AGAP1: variants seen among roughly 807,000 people sequenced by gnomAD.
AGAP1 encodes arf-GAP with GTPase, ANK repeat and PH domain-containing protein 1.
AGAP1 carries 29 observed loss-of-function variants against 105.3 expected under a neutral mutation model. That is an observed-to-expected ratio of 0.28 (90% CI 0.21 to 0.38). AGAP1 has a LOEUF of 0.38. AGAP1 is among the 10% of genes least tolerant of loss of function. The pLI is 1.00. For missense variants in AGAP1, 998 were observed against 1,165.1 expected (o/e 0.86, Z 2.09); for synonymous variants, 509 against 485.9 (o/e 1.05, Z -0.63).
chr2:235,573,040 TTC>T (rs1333408252), intron 1 of AGAP1, among the ~76,000 whole-genome samples: 977 of 28,824 alleles, frequency 0.034, 145 homozygotes, highest in African/African-American at 0.14. Context: ...CTTCTTCTTC[TTC>T]TTCTTCTTCT....
rs2051058894 is a variant in AGAP1 at position 235,901,423 on chromosome 2, A to G, written c.1156-7315A>G. 6.6e-6 allele frequency among the ~76,000 whole-genome samples: 1 copy of G among 152,208 alleles called. No homozygotes were observed. The highest frequency in any genetic ancestry group is 2.4e-5 in the African/African-American group (1 of 41,456). On this transcript the variant is annotated intron_variant, in intron 10 of 17. Coordinates refer to ENST00000304032, the MANE Select transcript of AGAP1 (RefSeq NM_001037131.3). This position sits in a 1 kb window ranked among gnomAD's most constrained non-coding sequence, Gnocchi z 4.3. ...TTCTTTTCCTCCAGGAGAAGGAGGA[A>G]CAAACAAATGTGAAAACATTTACAA... is the stretch of plus-strand genomic sequence containing the variant.
Position 235,867,679 on chromosome 2 carries a change from C to G in AGAP1, c.1051-15666C>G, listed in dbSNP as rs1053739757. Among the ~76,000 whole-genome samples the G allele has an allele frequency of 6.6e-6, 1 of 152,028 alleles. No homozygotes were observed. Among genetic ancestry groups the G allele is most frequent in the African/African-American group, 2.4e-5 (1 of 41,390 alleles). On this transcript the variant is annotated intron_variant, in intron 9 of 17. Coordinates refer to ENST00000304032, the MANE Select transcript of AGAP1 (RefSeq NM_001037131.3). The surrounding 1 kb of genome is among the most constrained non-coding windows in gnomAD (Gnocchi z 5.4). ...GCTAAGTGTTATCTGCAGGGTATAG[C>G]TTAGCATAATGAGAGGGCAAAAGCA...
Position 235,888,276 on chromosome 2 carries a change from A to G in AGAP1, c.1155+4827A>G, listed in dbSNP as rs1330093661. ...GGATCAAACCGAGAAGGTGGAATCGAGGGTCTTTACCACCCTTGTCTTTCT... is the reference window on the plus strand; with the variant it reads ...GGATCAAACCGAGAAGGTGGAATCGGGGGTCTTTACCACCCTTGTCTTTCT... On this transcript the variant is annotated intron_variant, in intron 10 of 17. Coordinates refer to ENST00000304032, the MANE Select transcript of AGAP1 (RefSeq NM_001037131.3). This position sits in a 1 kb window ranked among gnomAD's most constrained non-coding sequence, Gnocchi z 4.8. Among the ~76,000 whole-genome samples the G allele has an allele frequency of 6.6e-6, 1 of 152,000 alleles. No homozygotes were observed. Among genetic ancestry groups the G allele is most frequent in the Non-Finnish European group, 1.5e-5 (1 of 68,010 alleles).
At position 236,036,805 on chromosome 2, in the gene AGAP1, G is replaced by A. The variant is rs2057397156; in HGVS notation, c.1800+90G>A. 4 of 1,542,794 alleles carry A rather than the reference G, an allele frequency of 2.6e-6. No individual in the cohort carries two copies. The East Asian group carries it at 9.0e-5, about 35-fold the overall frequency. ...ATGCCCCAGGGAGGAGAAAATAGAGGACCAGTGTGAATGACAGGACCTAGC... is the reference window on the plus strand; with the variant it reads ...ATGCCCCAGGGAGGAGAAAATAGAGAACCAGTGTGAATGACAGGACCTAGC... On this transcript the variant is annotated intron_variant, in intron 14 of 17. Transcript: ENST00000304032. The surrounding 1 kb of genome is among the most constrained non-coding windows in gnomAD (Gnocchi z 5.7).
In AGAP1 at chr2:235,584,902, C is replaced by CTTTT. The variant is rs10629736; in HGVS notation, c.163+90073_163+90076dup. 7.1e-3 allele frequency among the ~76,000 whole-genome samples: 697 copies of CTTTT among 98,480 alleles called. 13 individuals carry two copies. The highest frequency in any genetic ancestry group is 0.042 in the East Asian group (130 of 3,074). 64.6% of individuals were successfully genotyped at this position (98,480 alleles called of 152,430 possible). ...TCGTGTATCGTGGCTAAGTCATTAC[C>CTTTT]TTTTTTTTTTTTTTTTTTTTTTTAA... On this transcript the variant is annotated intron_variant, in intron 1 of 17. Coordinates refer to ENST00000304032, the MANE Select transcript of AGAP1 (RefSeq NM_001037131.3).
chr2:235,797,568 G>T (rs539522184), intron 6 of AGAP1, among the ~76,000 whole-genome samples, 191 bp from the exon 7 acceptor site: 4 of 151,992 alleles, frequency 2.6e-5, no homozygotes, highest in African/African-American at 9.7e-5. Context: ...ATGCGGGGGT[G>T]GGGGGACGGG....
intron 1 of AGAP1, among the ~76,000 whole-genome samples, chr2:235,694,718 T>C (rs559633949): frequency 1.3e-5 from 2 of 152,220 alleles, no homozygotes; most frequent in African/African-American, 4.8e-5. Context: ...CTCGTCTTGC[T>C]CAGGCATCTC....
chr2:235,852,858 G>A lies in AGAP1; in HGVS notation c.1051-30487G>A, dbSNP rs537204026. ...TCCGGGGCCATGATGAATTAGCGGTGGGAGTTAACATAGAGGTGAACTCCA... is the reference window on the plus strand; with the variant it reads ...TCCGGGGCCATGATGAATTAGCGGTAGGAGTTAACATAGAGGTGAACTCCA... On this transcript the variant is annotated intron_variant, in intron 9 of 17. Transcript: ENST00000304032. 118 of 1,446,504 alleles carry A rather than the reference G, an allele frequency of 8.2e-5. 1 individual carries two copies. In the African/African-American group the frequency reaches 1.3e-3, roughly 15 times the overall value. The allele number at this position is 1,446,504 out of a possible 1,614,324, so 89.6% of individuals were successfully genotyped here.
At chr2:236,085,194 C>T (rs1167326599) in intron 16 of AGAP1, among the ~76,000 whole-genome samples, 24 of 125,448 alleles carry the variant, frequency 1.9e-4, no homozygotes, top group South Asian at 2.4e-4. Context: ...CCAGCCTGGG[C>T]GACAGAACGA....
rs1434864876 is a variant in AGAP1 at position 235,664,766 on chromosome 2, C to T, written c.164-44413C>T. On this transcript the variant is annotated intron_variant, in intron 1 of 17. Transcript: ENST00000304032. The surrounding 1 kb of genome is among the most constrained non-coding windows in gnomAD (Gnocchi z 5.7). The stretch of plus-strand genomic sequence containing the variant: ...GCCTGAATCTCCCGTGTTCCTCATG[C>T]ATGGGTAGAACTAAAGCCTCTTCTT... 1.3e-5 allele frequency among the ~76,000 whole-genome samples: 2 copies of T among 152,140 alleles called. No homozygotes were observed. The highest frequency in any genetic ancestry group is 1.3e-4 in the Admixed American group (2 of 15,266).
At chr2:235,924,281 C>A (rs1479676819) in intron 11 of AGAP1, among the ~76,000 whole-genome samples, 3 of 152,162 alleles carry the variant, frequency 2.0e-5, no homozygotes, top group African/African-American at 7.2e-5. Context: ...TCCCCTGGAG[C>A]CTCTCCTGTA....
intron 1 of AGAP1, among the ~76,000 whole-genome samples, chr2:235,541,548 C>T (rs1442886349): frequency 5.9e-5 from 9 of 151,834 alleles, no homozygotes; most frequent in Non-Finnish European, 7.4e-5. Flanking sequence ...CCACCGTGCC[C>T]GGCTAATTTT....
At chr2:235,846,867 GTCC>G (rs1452421744) in intron 9 of AGAP1, among the ~76,000 whole-genome samples, 1 of 152,146 alleles carries the variant, frequency 6.6e-6, no homozygotes, top group East Asian at 1.9e-4. Flanking sequence ...GTCTCAAGCA[GTCC>G]TCCTGCCTTG....
chr2:235,499,633 T>C (rs766094888), intron 1 of AGAP1, among the ~76,000 whole-genome samples: 2 of 152,280 alleles, frequency 1.3e-5, no homozygotes, highest in South Asian at 2.1e-4. Context: ...TCAGTTGTGG[T>C]GCAGGTGCTC....
rs1415723046 is a variant in AGAP1, at chr2:235,887,007, A to G, written c.1155+3558A>G. ...AATGGGACACCCACGAGCCGAATCC[A>G]GATTTTCCTTCATAAGAAACTTGAG... On this transcript the variant is annotated intron_variant, in intron 10 of 17. Coordinates refer to ENST00000304032, the MANE Select transcript of AGAP1 (RefSeq NM_001037131.3). This position sits in a 1 kb window ranked among gnomAD's most constrained non-coding sequence, Gnocchi z 4.1. Among the ~76,000 whole-genome samples, 2 of 152,262 alleles carry G rather than the reference A, an allele frequency of 1.3e-5. No homozygotes were observed. Among genetic ancestry groups the G allele is most frequent in the African/African-American group, 2.4e-5 (1 of 41,470 alleles).
At chr2:235,710,910 T>C (rs996282155) in intron 2 of AGAP1, among the ~76,000 whole-genome samples, 1 of 152,152 alleles carries the variant, frequency 6.6e-6, no homozygotes, top group Non-Finnish European at 1.5e-5. Context: ...TCTAAGTGCT[T>C]TACAAAATTA....
rs1224508081 is a variant in AGAP1, at chr2:235,788,667, G to A, written c.674-9092G>A. ...GGTGGGCGTCCTGTTGGTGCATGGGGCAGACTGAAGCCTGAGACATGACCC... is the reference window on the plus strand; with the variant it reads ...GGTGGGCGTCCTGTTGGTGCATGGGACAGACTGAAGCCTGAGACATGACCC... On this transcript the variant is annotated intron_variant, in intron 6 of 17. Coordinates refer to ENST00000304032, the MANE Select transcript of AGAP1 (RefSeq NM_001037131.3). The surrounding 1 kb of genome is among the most constrained non-coding windows in gnomAD (Gnocchi z 6.0). Among the ~76,000 whole-genome samples, 1 of 152,112 alleles carries A rather than the reference G, an allele frequency of 6.6e-6. No homozygotes were observed. Among genetic ancestry groups the A allele is most frequent in the African/African-American group, 2.4e-5 (1 of 41,424 alleles).
At chr2:236,033,245 C>CA (rs1027373986) in intron 13 of AGAP1, among the ~76,000 whole-genome samples, 1 of 151,970 alleles carries the variant, frequency 6.6e-6, no homozygotes, top group Non-Finnish European at 1.5e-5. Context: ...AACTCTGTCT[C>CA]AAAAAATAAA....
At chr2:236,084,972 T>C (rs1248918601) in intron 16 of AGAP1, among the ~76,000 whole-genome samples, 1 of 151,672 alleles carries the variant, frequency 6.6e-6, no homozygotes, top group Non-Finnish European at 1.5e-5. Flanking sequence ...CCCAGCACTT[T>C]GGGAGGCCAA....
Sources: allele counts gnomAD v4.1 joint callset (sites outside exome capture counted in the v4.1 genomes callset), GRCh38; gene constraint gnomAD v4.1.1; non-coding constraint Gnocchi (gnomAD v3.1); transcripts MANE v1.5; gene names NCBI Gene and HGNC (gene_info 2026-07-23, HGNC 2026-07-21).